Variants in GNAS observed in about 807,000 individuals in gnomAD.
The protein encoded by GNAS is GNAS complex locus.
A neutral mutation model predicts 54.5 loss-of-function variants in GNAS; 8 were observed. That is an observed-to-expected ratio of 0.15 (90% confidence interval 0.09 to 0.26). The LOEUF is 0.26. GNAS is among the 10% of genes least tolerant of loss of function. The pLI is 1.00. For synonymous variants in GNAS, 204 were observed against 191.4 expected (o/e 1.07, Z -0.54); for missense variants, 170 against 529.8 (o/e 0.32, Z 6.67).
At chr20:58,848,601 C>T (rs908738948) in intron 1 of GNAS, among the ~76,000 whole-genome samples, 11 of 152,328 alleles carry the variant, frequency 7.2e-5, no homozygotes, top group Admixed American at 2.0e-4. Context: ...TAACATCCAG[C>T]ACTGGCCATC....
upstream of GNAS, among the ~76,000 whole-genome samples, chr20:58,890,066 G>A (rs2088994470): frequency 6.6e-6 from 1 of 151,696 alleles, no homozygotes; most frequent in Admixed American, 6.6e-5. Flanking sequence ...CCAAGAACCC[G>A]GCGCGGGAGG....
rs143209060 is a variant in GNAS, at chr20:58,897,751, G to C, written c.213-1190G>C. ...TACGTTAAATTTAGCCTGTGAGAGG[G>C]TTTACAGGGGTATTCCTCATGGGAG... On this transcript the variant is annotated intron_variant, in intron 2 of 12. Transcript: ENST00000371085. 4 of 152,298 alleles carry C rather than the reference G, an allele frequency of 2.6e-5. No homozygotes were observed. In the East Asian group the frequency reaches 7.7e-4, roughly 29 times the overall value. The allele number at this position is 152,298 out of a possible 1,614,324, so 9.4% of individuals were successfully genotyped here.
In GNAS at chr20:58,909,317, T is replaced by C; in HGVS notation, c.586-33T>C. ...CAATTATTACTGTTTCGGTTGGCTTTGGTGAGATCCATTGACCTCAATTTT... is the reference window on the plus strand; with the variant it reads ...CAATTATTACTGTTTCGGTTGGCTTCGGTGAGATCCATTGACCTCAATTTT... On this transcript the variant is annotated intron_variant, in intron 7 of 12. Transcript: ENST00000371085. The surrounding 1 kb of genome is among the most constrained non-coding windows in gnomAD (Gnocchi z 7.3). 2 of 1,595,480 alleles carry C rather than the reference T, an allele frequency of 1.3e-6. No individual in the cohort carries two copies. The highest frequency in any genetic ancestry group is 1.7e-6 in the Non-Finnish European group (2 of 1,162,956).
intron 1 of GNAS, among the ~76,000 whole-genome samples, chr20:58,869,637 A>G (rs946501317): frequency 1.3e-5 from 2 of 152,230 alleles, no homozygotes; most frequent in African/African-American, 4.8e-5. Context: ...TTTACAGAGA[A>G]GGGACTTGCT....
chr20:58,888,891 C>T (rs1300065674), upstream of GNAS: 2 of 165,942 alleles, frequency 1.2e-5, no homozygotes, highest in Non-Finnish European at 2.5e-5. Flanking sequence ...ACACCACTCA[C>T]CGAAAATTGG....
At chr20:58,895,283 A>T (rs1325274789) in intron 1 of GNAS, 4 of 381,110 alleles carry the variant, frequency 1.0e-5, no homozygotes, top group Non-Finnish European at 2.0e-5. Flanking sequence ...TGTTTACCCC[A>T]CAAATGACAA....
intron 1 of GNAS, chr20:58,842,631 G>T: frequency 2.5e-6 from 1 of 397,514 alleles, no homozygotes; most frequent in Admixed American, 4.4e-5. Context: ...GCTGCGGAAG[G>T]GCTAGGCGTG....
At chr20:58,901,123 A>G (rs140957831) in intron 3 of GNAS, among the ~76,000 whole-genome samples, 1 of 152,334 alleles carries the variant, frequency 6.6e-6, no homozygotes, top group African/African-American at 2.4e-5. Context: ...CCTCAAAACC[A>G]AAGGTTAATA....
At chr20:58,882,710 G>T (rs993988963) in intron 1 of GNAS, among the ~76,000 whole-genome samples, 5 of 152,196 alleles carry the variant, frequency 3.3e-5, no homozygotes, top group Non-Finnish European at 5.9e-5. Flanking sequence ...ATTTCATGGT[G>T]GTGGGGTGGA....
intron 1 of GNAS, chr20:58,854,413 C>T: frequency 6.4e-7 from 1 of 1,567,442 alleles, no homozygotes; most frequent in Non-Finnish European, 8.6e-7. Flanking sequence ...TCCCCTGCCG[C>T]CGGGGCAGCC....
Position 58,891,844 on chromosome 20 carries a change from A to G in GNAS, c.118A>G (p.Thr40Ala). The G allele has an allele frequency of 8.1e-7, 1 of 1,239,114 alleles. No individual in the cohort carries two copies. The highest frequency in any genetic ancestry group is 1.1e-6 in the Non-Finnish European group (1 of 951,324). The allele number at this position is 1,239,114 out of a possible 1,614,324, so 76.8% of individuals were successfully genotyped here. The change falls in exon 1 of 13, where the codon ACG (threonine) becomes GCG (alanine). Residue 40 changes from threonine (T) to alanine (A), a missense_variant. Thr to Ala is a moderately conservative substitution (Grantham distance 58). This residue lies in a region of GNAS where 56 missense variants were observed against 55.7 expected (regional missense o/e 1.01). Transcript: ENST00000371085. The stretch of plus-strand genomic sequence containing the variant: ...GAAGGACAAGCAGGTCTACCGGGCC[A>G]CGCACCGCCTGCTGCTGCTGGGTAA... ...LQKDKQVYRA[T>A]HRLLLLGAGE...
chr20:58,890,262 G>A (rs1047054610), upstream of GNAS, among the ~76,000 whole-genome samples: 2 of 150,332 alleles, frequency 1.3e-5, no homozygotes, highest in African/African-American at 2.4e-5. Context: ...GGCCGCCGCC[G>A]CCGCGGCCGC....
At chr20:58,874,591 A>C (rs1014949084) in intron 1 of GNAS, among the ~76,000 whole-genome samples, 49 of 149,852 alleles carry the variant, frequency 3.3e-4, no homozygotes, top group African/African-American at 1.1e-3. Context: ...CTCTAGCCTT[A>C]CATCTTAGCT....
chr20:58,886,371 G>A (rs149918686), upstream of GNAS, among the ~76,000 whole-genome samples: 3 of 152,318 alleles, frequency 2.0e-5, no homozygotes, highest in East Asian at 5.8e-4. Flanking sequence ...GCTTGGGCAT[G>A]AAGCAAGTCT....
chr20:58,872,227 G>A (rs916948129), intron 1 of GNAS, among the ~76,000 whole-genome samples: 7 of 152,108 alleles, frequency 4.6e-5, no homozygotes, highest in Admixed American at 1.3e-4. Flanking sequence ...TTATTTTAAA[G>A]TTAGGAACAC....
At chr20:58,875,880 T>C (rs962268946) in intron 1 of GNAS, among the ~76,000 whole-genome samples, 2 of 152,126 alleles carry the variant, frequency 1.3e-5, no homozygotes, top group Non-Finnish European at 2.9e-5. Flanking sequence ...AAAAGAAATA[T>C]AATGTGAAGG....
At position 58,898,873 on chromosome 20, in the gene GNAS, CTG is replaced by C. The variant is rs200894273; in HGVS notation, c.213-63_213-62del. 222 of 1,274,030 alleles carry C rather than the reference CTG, an allele frequency of 1.7e-4. No individual in the cohort carries two copies. The East Asian group carries it at 4.0e-3, about 23-fold the overall frequency. The allele number at this position is 1,274,030 out of a possible 1,614,324, so 78.9% of individuals were successfully genotyped here. A position where few individuals can be genotyped will look rare whatever the true frequency, so the allele number is the denominator to read the frequency against. On this transcript the variant is annotated intron_variant, in intron 2 of 12. Transcript: ENST00000371085. ...CTGATGGTTGAGGAATGTAGAGAGA[CTG>C]TGTGGGGTTTGTGTGACACTGCGGT... is the stretch of plus-strand genomic sequence containing the variant.
At chr20:58,884,453 C>G (rs1357117040) in intron 1 of GNAS, 1 of 152,230 alleles carries the variant, frequency 6.6e-6, no homozygotes, top group African/African-American at 2.4e-5. Context: ...TGACTGGGCT[C>G]AATATCACAT....
chr20:58,910,562 CT>C lies in GNAS; in HGVS notation c.1039-117del. 1 of 1,323,338 alleles carries C rather than the reference CT, an allele frequency of 7.6e-7. No individual in the cohort carries two copies. The highest frequency in any genetic ancestry group is 1.1e-6 in the Non-Finnish European group (1 of 926,648). The allele number at this position is 1,323,338 out of a possible 1,614,324, so 82.0% of individuals were successfully genotyped here. A position where few individuals can be genotyped will look rare whatever the true frequency, so the allele number is the denominator to read the frequency against. On this transcript the variant is annotated intron_variant, in intron 12 of 12. Transcript: ENST00000371085. This position sits in a 1 kb window ranked among gnomAD's most constrained non-coding sequence, Gnocchi z 5.8. ...TGAGCTCTTTGCGCCCCTCTTTTTG[CT>C]TTTGTTTTCATATGACATCAGAGGC... is the stretch of plus-strand genomic sequence containing the variant.
Sources: allele counts gnomAD v4.1 joint callset (sites outside exome capture counted in the v4.1 genomes callset), GRCh38; gene constraint gnomAD v4.1.1; regional missense constraint gnomAD v4.1.1; non-coding constraint Gnocchi (gnomAD v3.1); transcripts MANE v1.5; gene names NCBI Gene and HGNC (gene_info 2026-07-23, HGNC 2026-07-21).